Variants in MAML2 observed in about 807,000 individuals in gnomAD.
The protein encoded by MAML2 is mastermind like transcriptional coactivator 2.
A neutral mutation model predicts 96.1 loss-of-function variants in MAML2; 22 were observed. The ratio of observed to expected loss-of-function variants is 0.23; its 90% CI spans 0.16 to 0.33. The LOEUF is 0.33. MAML2 is among the 10% of genes least tolerant of loss of function. The pLI, the probability that MAML2 is intolerant of heterozygous loss-of-function variation, is 1.00. For synonymous variants in MAML2, 561 were observed against 521.3 expected (o/e 1.08, Z -1.04); for missense variants, 1,367 against 1,392.4 (o/e 0.98, Z 0.29).
At chr11:96,013,755 G>A (rs1398513239) in intron 2 of MAML2, among the ~76,000 whole-genome samples, 3 of 152,176 alleles carry the variant, frequency 2.0e-5, no homozygotes, top group Admixed American at 1.3e-4. Flanking sequence ...CAGGGCCACC[G>A]AGCAGCCCAC....
chr11:96,339,263 C>T (rs1863958271), intron 1 of MAML2, among the ~76,000 whole-genome samples: 1 of 152,208 alleles, frequency 6.6e-6, no homozygotes, highest in Admixed American at 6.5e-5. Context: ...CCAGCTATGG[C>T]TTCTGCAGCA....
At chr11:96,314,067 G>A (rs746198) in intron 1 of MAML2, among the ~76,000 whole-genome samples, 1 of 152,146 alleles carries the variant, frequency 6.6e-6, no homozygotes, top group Non-Finnish European at 1.5e-5. Context: ...AGAGGGCAGG[G>A]ATATGAAAAA....
intron 1 of MAML2, among the ~76,000 whole-genome samples, chr11:96,259,699 G>C (rs748257310): frequency 1.3e-5 from 2 of 152,212 alleles, no homozygotes; most frequent in African/African-American, 2.4e-5. Flanking sequence ...AAGTCAAGGA[G>C]AGAGTCATCT....
intron 1 of MAML2, among the ~76,000 whole-genome samples, chr11:96,285,993 T>G (rs988210673): frequency 7.9e-5 from 12 of 152,176 alleles, no homozygotes. Flanking sequence ...CAAAGGAATA[T>G]AGATCATTCT....
At chr11:96,000,686 A>T (rs1019417881) in intron 2 of MAML2, among the ~76,000 whole-genome samples, 1 of 152,224 alleles carries the variant, frequency 6.6e-6, no homozygotes, top group Admixed American at 6.5e-5. Context: ...CACAGCAGGA[A>T]CTAAAAAACA....
intron 1 of MAML2, among the ~76,000 whole-genome samples, chr11:96,235,933 G>C (rs1268549714): frequency 6.6e-6 from 1 of 152,154 alleles, no homozygotes; most frequent in Non-Finnish European, 1.5e-5. Flanking sequence ...CAGCACATCT[G>C]CCCACTGCAC....
intron 2 of MAML2, among the ~76,000 whole-genome samples, chr11:96,011,184 G>T (rs755970706): frequency 2.0e-5 from 3 of 152,134 alleles, no homozygotes; most frequent in Non-Finnish European, 4.4e-5. Context: ...ACTAAAAATA[G>T]AACTACCATT....
chr11:96,272,919 C>G (rs1192287809), intron 1 of MAML2, among the ~76,000 whole-genome samples: 1 of 152,218 alleles, frequency 6.6e-6, no homozygotes, highest in Admixed American at 6.5e-5. Context: ...AAGAGGTTTA[C>G]ATATGCAAAT....
chr11:96,021,014 C>A (rs968126033), intron 2 of MAML2, among the ~76,000 whole-genome samples: 1 of 152,066 alleles, frequency 6.6e-6, no homozygotes, highest in African/African-American at 2.4e-5. Flanking sequence ...GGATTTCTTC[C>A]CTTTTTTTCT....
Position 96,248,879 on chromosome 11 carries a change from T to C in MAML2, c.513+92504A>G, listed in dbSNP as rs540494991. On this transcript the variant is annotated intron_variant, in intron 1 of 4. Transcript: ENST00000524717. The stretch of plus-strand genomic sequence containing the variant: ...GGTGTGTGGCGCAACTAGCAGAAGC[T>C]AATTGTTAAATATTCAAGAACTTTG... Among the ~76,000 whole-genome samples, 3 of 152,320 alleles carry C rather than the reference T, an allele frequency of 2.0e-5. No individual in the cohort carries two copies. In the South Asian group the frequency reaches 6.2e-4, roughly 32 times the overall value.
chr11:96,086,239 T>C lies in MAML2; in HGVS notation c.2139+5653A>G, dbSNP rs576828240. Among the ~76,000 whole-genome samples, 58 of 152,276 alleles carry C rather than the reference T, an allele frequency of 3.8e-4. 1 individual carries two copies. The South Asian group carries it at 0.011, about 30-fold the overall frequency. On this transcript the variant is annotated intron_variant, in intron 2 of 4. Coordinates refer to ENST00000524717, the MANE Select transcript of MAML2 (RefSeq NM_032427.4). ...CTTTTAATCCCCAGTTCCTGGCACA[T>C]TGTAGGTGCTCAATACATTTTCATC...
rs1231069633 is a variant in MAML2, at chr11:95,978,677, T to C, written c.*271A>G. On this transcript the variant is annotated 3_prime_UTR_variant, in exon 5 of 5. Transcript: ENST00000524717. ...GCTATTTTACACAATTAATTACACA[T>C]TGACACCACAGTTCTGTTTGGATAA... 7 of 371,546 alleles carry C rather than the reference T, an allele frequency of 1.9e-5. No homozygotes were observed. In the East Asian group the frequency reaches 2.5e-4, roughly 13 times the overall value. The allele number at this position is 371,546 out of a possible 1,614,324, so 23.0% of individuals were successfully genotyped here. A position where few individuals can be genotyped will look rare whatever the true frequency, so the allele number is the denominator to read the frequency against.
intron 2 of MAML2, among the ~76,000 whole-genome samples, chr11:96,039,762 T>TGGTGAAACCCTAACAC (rs1858777686): frequency 2.6e-5 from 4 of 151,952 alleles, no homozygotes; most frequent in Admixed American, 2.0e-4. Flanking sequence ...CTGGCTAACA[T>TGGTGAAACCCTAACAC]GGTGAAACCC....
intron 2 of MAML2, among the ~76,000 whole-genome samples, chr11:96,026,821 TAAAA>T (rs34892837): frequency 1.0e-4 from 14 of 134,690 alleles, no homozygotes; most frequent in Admixed American, 2.2e-4. Context: ...GCTATGGGGT[TAAAA>T]AAAAAAAAAA....
At chr11:96,311,645 T>C (rs1863543847) in intron 1 of MAML2, among the ~76,000 whole-genome samples, 1 of 152,178 alleles carries the variant, frequency 6.6e-6, no homozygotes, top group Admixed American at 6.6e-5. Flanking sequence ...AATGGTGCTA[T>C]AGGAAAACAT....
chr11:96,132,068 T>G (rs557581196), intron 1 of MAML2, among the ~76,000 whole-genome samples: 1 of 152,190 alleles, frequency 6.6e-6, no homozygotes, highest in African/African-American at 2.4e-5. Flanking sequence ...AAAAATTTCC[T>G]AGTGGGCAAG....
At chr11:96,129,426 C>T (rs1860507866) in intron 1 of MAML2, among the ~76,000 whole-genome samples, 1 of 152,140 alleles carries the variant, frequency 6.6e-6, no homozygotes, top group African/African-American at 2.4e-5. Flanking sequence ...TGATGCTGCT[C>T]ATCCAGGAAC....
chr11:96,220,371 G>A (rs1470560099), intron 1 of MAML2, among the ~76,000 whole-genome samples: 1 of 152,178 alleles, frequency 6.6e-6, no homozygotes, highest in African/African-American at 2.4e-5. Context: ...AACTGCCTTA[G>A]AGATTTGTTT....
chr11:95,999,774 T>C lies in MAML2; in HGVS notation c.2140-8051A>G, dbSNP rs140046447. ...ACTGCCCTTTCTTTTTCTTGGCTTCTAGAGCTAGGCATCCGCAATTTGCAA... is the reference window on the plus strand; with the variant it reads ...ACTGCCCTTTCTTTTTCTTGGCTTCCAGAGCTAGGCATCCGCAATTTGCAA... On this transcript the variant is annotated intron_variant, in intron 2 of 4. Coordinates refer to ENST00000524717, the MANE Select transcript of MAML2 (RefSeq NM_032427.4). 6.9e-3 allele frequency among the ~76,000 whole-genome samples: 1,051 copies of C among 152,260 alleles called. 7 individuals carry two copies. Among genetic ancestry groups the C allele is most frequent in the Non-Finnish European group, 0.012 (835 of 68,010 alleles).
Sources: allele counts gnomAD v4.1 joint callset (sites outside exome capture counted in the v4.1 genomes callset), GRCh38; gene constraint gnomAD v4.1.1; transcripts MANE v1.5; gene names NCBI Gene and HGNC (gene_info 2026-07-23, HGNC 2026-07-21).